RGS6: variants seen among roughly 807,000 people sequenced by gnomAD.
RGS6 encodes regulator of G protein signaling 6.
A neutral mutation model predicts 78.5 loss-of-function variants in RGS6; 30 were observed. The observed-to-expected ratio is 0.38, with a 90% confidence interval of 0.29 to 0.52. RGS6 has a LOEUF of 0.52. RGS6 is among the 20% of genes least tolerant of loss of function. The pLI is 0.85. For synonymous variants in RGS6, 206 were observed against 206.0 expected, an observed-to-expected ratio of 1.00 and a Z score of 0.00; for missense variants, 495 against 609.7, an observed-to-expected ratio of 0.81 and a Z score of 1.98.
intron 2 of RGS6, among the ~76,000 whole-genome samples, chr14:71,972,991 G>C (rs12587788): frequency 6.6e-6 from 1 of 152,200 alleles, no homozygotes. Flanking sequence ...GATAAATTGA[G>C]AGAGCCCAAG....
At chr14:72,003,700 A>G (rs2083941634) in intron 2 of RGS6, among the ~76,000 whole-genome samples, 1 of 152,128 alleles carries the variant, frequency 6.6e-6, no homozygotes, top group Non-Finnish European at 1.5e-5. Context: ...CTCAGGAGCA[A>G]CACTTCTAGG....
intron 2 of RGS6, among the ~76,000 whole-genome samples, chr14:72,349,995 C>T (rs2078813430): frequency 1.3e-5 from 2 of 152,176 alleles, no homozygotes; most frequent in South Asian, 2.1e-4. Context: ...TTCTAGCTCT[C>T]CTTGGCTATC....
chr14:72,318,517 G>A (rs1347596308), intron 2 of RGS6, among the ~76,000 whole-genome samples: 2 of 152,142 alleles, frequency 1.3e-5, no homozygotes, highest in Admixed American at 1.3e-4. Flanking sequence ...TGAGTGAAAA[G>A]CATAAATTTT....
At chr14:72,506,130 T>A (rs1287522126) in intron 13 of RGS6, among the ~76,000 whole-genome samples, 1 of 152,128 alleles carries the variant, frequency 6.6e-6, no homozygotes, top group Non-Finnish European at 1.5e-5. Context: ...CTATACACAT[T>A]TCTAAACTGA....
At chr14:72,285,172 G>A (rs559925523) in intron 2 of RGS6, among the ~76,000 whole-genome samples, 19 of 152,162 alleles carry the variant, frequency 1.2e-4, no homozygotes, top group East Asian at 3.9e-4. Flanking sequence ...AAGACTTTGG[G>A]GGACTATAGT....
the RGS6 span, among the ~76,000 whole-genome samples, chr14:72,628,510 C>A: frequency 1.3e-5 from 2 of 152,084 alleles, no homozygotes; most frequent in Non-Finnish European, 2.9e-5. Context: ...TATTTTGCAA[C>A]CCCTAACAAA....
intron 1 of RGS6, among the ~76,000 whole-genome samples, chr14:71,942,414 C>T (rs980543489): frequency 2.6e-5 from 4 of 151,994 alleles, no homozygotes; most frequent in Non-Finnish European, 4.4e-5. Context: ...ATAAAGCAAG[C>T]AATCTCCTTG....
chr14:72,580,315 A>AC, the RGS6 span, among the ~76,000 whole-genome samples: 1 of 133,680 alleles, frequency 7.5e-6, no homozygotes, highest in Non-Finnish European at 1.6e-5. Context: ...TGTCCCCCCC[A>AC]CCCCGACCCC....
At chr14:72,020,418 C>T (rs1410439193) in intron 2 of RGS6, among the ~76,000 whole-genome samples, 1 of 152,214 alleles carries the variant, frequency 6.6e-6, no homozygotes, top group African/African-American at 2.4e-5. Flanking sequence ...GTTCTGCCTC[C>T]CTTTGCTGTT....
the RGS6 span, among the ~76,000 whole-genome samples, chr14:71,916,747 G>C: frequency 6.6e-6 from 1 of 152,196 alleles, no homozygotes. Flanking sequence ...GTGGCTTAGT[G>C]AGGAGCTGGT....
chr14:72,541,801 C>T (rs1021152165), intron 17 of RGS6, among the ~76,000 whole-genome samples: 1 of 152,234 alleles, frequency 6.6e-6, no homozygotes, highest in Admixed American at 6.5e-5. Context: ...AAGCCTGGTA[C>T]TTGGACAAAA....
At chr14:72,406,188 C>T (rs897926940) in intron 3 of RGS6, among the ~76,000 whole-genome samples, 9 of 152,224 alleles carry the variant, frequency 5.9e-5, no homozygotes, top group African/African-American at 2.2e-4. Flanking sequence ...AGATCAAGAC[C>T]ATCCTGGCCA....
rs912978890 is a variant in RGS6 at position 72,200,973 on chromosome 14, AAAAAAAAAAAAAAAG to A, written c.85-151119_85-151105del. Among the ~76,000 whole-genome samples, 6 of 54,172 alleles carry A rather than the reference AAAAAAAAAAAAAAAG, an allele frequency of 1.1e-4. No homozygotes were observed. In the East Asian group the frequency reaches 1.4e-3, roughly 12 times the overall value. 35.5% of individuals were successfully genotyped at this position (54,172 alleles called of 152,430 possible). A position where few individuals can be genotyped will look rare whatever the true frequency, so the allele number is the denominator to read the frequency against. On this transcript the variant is annotated intron_variant, in intron 2 of 17. Coordinates refer to ENST00000553525, the MANE Select transcript of RGS6 (RefSeq NM_001204424.2). ...AATGTGCTCTGCTTAAAAAAAAAAAAAAAAAAAAAAAAAAGAAGAAGAAAAGAAAAGAAATTGTGT... is the reference window on the plus strand; with the variant it reads ...AATGTGCTCTGCTTAAAAAAAAAAAAAAGAAGAAAAGAAAAGAAATTGTGT...
intron 2 of RGS6, among the ~76,000 whole-genome samples, chr14:72,079,269 A>G (rs1172089362): frequency 6.6e-6 from 1 of 152,090 alleles, no homozygotes; most frequent in African/African-American, 2.4e-5. Flanking sequence ...TTTCTACAGC[A>G]TGCCTCTGTT....
At chr14:72,600,185 C>T in the RGS6 span, among the ~76,000 whole-genome samples, 1 of 152,152 alleles carries the variant, frequency 6.6e-6, no homozygotes, top group African/African-American at 2.4e-5. Flanking sequence ...TCTGCCCAGC[C>T]CAGCCCCATG....
chr14:72,152,524 TC>T (rs1288289664), intron 2 of RGS6, among the ~76,000 whole-genome samples: 6 of 152,166 alleles, frequency 3.9e-5, no homozygotes, highest in African/African-American at 1.2e-4. Context: ...GTTTCTGGCT[TC>T]CTGTGGGGCT....
intron 2 of RGS6, among the ~76,000 whole-genome samples, chr14:72,101,235 T>C (rs1291758997): frequency 3.9e-5 from 6 of 152,206 alleles, no homozygotes; most frequent in Non-Finnish European, 7.3e-5. Flanking sequence ...TGGCCAGGTC[T>C]GACAGCCACT....
At chr14:72,393,395 GGGT>G (rs1289113576) in intron 3 of RGS6, among the ~76,000 whole-genome samples, 2 of 152,144 alleles carry the variant, frequency 1.3e-5, no homozygotes, top group Non-Finnish European at 2.9e-5. Flanking sequence ...GAGATTTTTA[GGGT>G]GCACCCAAGG....
intron 2 of RGS6, among the ~76,000 whole-genome samples, chr14:72,171,135 CACATACAT>C (rs2097009596): frequency 6.8e-6 from 1 of 146,098 alleles, no homozygotes; most frequent in African/African-American, 2.8e-5. Context: ...TGCATGCACA[CACATACAT>C]GCACACACAT....
Sources: gnomAD v4.1 joint callset for allele counts (sites outside exome capture counted in the v4.1 genomes callset) on GRCh38, gnomAD v4.1.1 for gene constraint, MANE v1.5 for transcripts, NCBI Gene and HGNC (gene_info 2026-07-23, HGNC 2026-07-21) for gene names.